CNTNAP2: variants seen among roughly 807,000 people sequenced by gnomAD.
The protein encoded by CNTNAP2 is contactin-associated protein-like 2.
CNTNAP2 carries 98 observed loss-of-function variants against 155.2 expected under a neutral mutation model. The observed-to-expected ratio is 0.63, with a 90% confidence interval of 0.54 to 0.75. CNTNAP2 has a LOEUF of 0.75. Ranked by LOEUF, CNTNAP2 falls within the 30% of genes least tolerant of loss-of-function variation. The pLI is 0.00. For synonymous variants in CNTNAP2, 651 were observed against 631.2 expected, an observed-to-expected ratio of 1.03 and a Z score of -0.47; for missense variants, 1,727 against 1,688.1, an observed-to-expected ratio of 1.02 and a Z score of -0.40.
At chr7:146,746,057 A>G (rs941902961) in intron 1 of CNTNAP2, among the ~76,000 whole-genome samples, 1 of 152,210 alleles carries the variant, frequency 6.6e-6, no homozygotes, top group East Asian at 1.9e-4. Context: ...ATGGGGTTCA[A>G]TAAAAGAGTG....
intron 1 of CNTNAP2, among the ~76,000 whole-genome samples, chr7:146,207,940 C>G (rs1798973096): frequency 6.6e-6 from 1 of 151,680 alleles, no homozygotes; most frequent in African/African-American, 2.4e-5. Flanking sequence ...AAATAAAGCC[C>G]AAAATTTTAG....
intron 3 of CNTNAP2, among the ~76,000 whole-genome samples, chr7:146,909,051 A>G (rs887194035): frequency 1.3e-5 from 2 of 152,034 alleles, no homozygotes; most frequent in East Asian, 1.9e-4. Flanking sequence ...TAGAAAATCT[A>G]GAAGAAATGG....
intron 3 of CNTNAP2, among the ~76,000 whole-genome samples, chr7:147,022,920 G>A (rs926458542): frequency 5.9e-5 from 9 of 151,906 alleles, no homozygotes. Flanking sequence ...ATTATATTTG[G>A]TGTTCATTGA....
At chr7:146,627,001 C>T (rs548884078) in intron 1 of CNTNAP2, among the ~76,000 whole-genome samples, 9 of 152,186 alleles carry the variant, frequency 5.9e-5, no homozygotes, top group African/African-American at 1.9e-4. Flanking sequence ...TAAAGACATA[C>T]CCAAGACTGG....
At chr7:146,455,987 G>A (rs1280974665) in intron 1 of CNTNAP2, among the ~76,000 whole-genome samples, 1 of 152,078 alleles carries the variant, frequency 6.6e-6, no homozygotes, top group Non-Finnish European at 1.5e-5. Flanking sequence ...TATAAACCAT[G>A]AATTGATATG....
At position 148,132,551 on chromosome 7, in the gene CNTNAP2, A is replaced by T. The variant is rs1335407915; in HGVS notation, c.2554+14263A>T. Among the ~76,000 whole-genome samples, 8 of 152,284 alleles carry T rather than the reference A, an allele frequency of 5.3e-5. No individual in the cohort carries two copies. The East Asian group carries it at 1.5e-3, about 29-fold the overall frequency. ...CCGTAAAGAGCTCTGCTGTTGCTGT[A>T]GTTGAGTGTTGATTCAAGGTACACA... On this transcript the variant is annotated intron_variant, in intron 16 of 23. Coordinates refer to ENST00000361727, the MANE Select transcript of CNTNAP2 (RefSeq NM_014141.6).
At chr7:146,553,478 T>A (rs1798150827) in intron 1 of CNTNAP2, among the ~76,000 whole-genome samples, 1 of 151,986 alleles carries the variant, frequency 6.6e-6, no homozygotes. Context: ...ATAAAATAGA[T>A]AAGTGTTTTT....
intron 3 of CNTNAP2, among the ~76,000 whole-genome samples, chr7:146,903,312 T>C (rs12703850): frequency 0.029 from 4,463 of 152,268 alleles, 86 homozygotes; most frequent in Non-Finnish European, 0.041. Context: ...ACCATTACTA[T>C]GCTGAAAACT....
chr7:148,411,825 G>A lies in CNTNAP2; in HGVS notation c.3796+2354G>A, dbSNP rs181971726. Reference sequence around the variant, plus strand: ...TACTTTTCCTCAATTGAATTTTCTTGGCACTTTTGTTAAAGCAACTGACAT... The same window carrying A: ...TACTTTTCCTCAATTGAATTTTCTTAGCACTTTTGTTAAAGCAACTGACAT... On this transcript the variant is annotated intron_variant, in intron 23 of 23. Transcript: ENST00000361727. Among the ~76,000 whole-genome samples the A allele has an allele frequency of 1.5e-3, 216 of 147,252 alleles. 4 individuals are homozygous for A. The highest frequency in any genetic ancestry group is 0.013 in the Admixed American group (195 of 14,824).
chr7:147,228,086 A>G (rs889993093), intron 8 of CNTNAP2, among the ~76,000 whole-genome samples: 14 of 152,204 alleles, frequency 9.2e-5, no homozygotes, highest in African/African-American at 3.4e-4. Context: ...AGTAGGTCAA[A>G]TGCTGCTGAA....
intron 1 of CNTNAP2, among the ~76,000 whole-genome samples, chr7:146,261,243 G>T (rs1799915232): frequency 6.6e-6 from 1 of 151,858 alleles, no homozygotes; most frequent in Non-Finnish European, 1.5e-5. Context: ...TTATAGCAGT[G>T]TGAGAATGGA....
chr7:146,921,511 A>G (rs1268009320), intron 3 of CNTNAP2, among the ~76,000 whole-genome samples: 1 of 152,030 alleles, frequency 6.6e-6, no homozygotes, highest in Non-Finnish European at 1.5e-5. Flanking sequence ...GGTTTAATCG[A>G]CTCACAGTTC....
chr7:147,826,610 A>G (rs572311490), intron 13 of CNTNAP2, among the ~76,000 whole-genome samples: 89 of 152,300 alleles, frequency 5.8e-4, no homozygotes, highest in African/African-American at 2.1e-3. Context: ...TGGCATTTAT[A>G]CCCCAGGTTT....
intron 10 of CNTNAP2, among the ~76,000 whole-genome samples, chr7:147,445,363 G>T (rs1584952264): frequency 6.6e-6 from 1 of 152,182 alleles, no homozygotes; most frequent in South Asian, 2.1e-4. Flanking sequence ...GGTTCATAAA[G>T]AGCCTTTACA....
At chr7:147,476,879 G>A (rs574545217) in intron 10 of CNTNAP2, among the ~76,000 whole-genome samples, 1 of 148,896 alleles carries the variant, frequency 6.7e-6, no homozygotes, top group Non-Finnish European at 1.5e-5. Flanking sequence ...GGTGAGCTGA[G>A]ATCATCCCAC....
chr7:148,311,080 A>G (rs1398256552), intron 21 of CNTNAP2, among the ~76,000 whole-genome samples: 1 of 152,124 alleles, frequency 6.6e-6, no homozygotes, highest in African/African-American at 2.4e-5. Flanking sequence ...TTGTGTTGTG[A>G]GAGGTCTAAA....
intron 21 of CNTNAP2, among the ~76,000 whole-genome samples, chr7:148,340,620 T>A (rs1412641673): frequency 6.6e-6 from 1 of 152,242 alleles, no homozygotes; most frequent in Non-Finnish European, 1.5e-5. Context: ...TACCTAATCA[T>A]CACCATTAGC....
intron 8 of CNTNAP2, among the ~76,000 whole-genome samples, chr7:147,242,048 T>C (rs1212282775): frequency 1.3e-5 from 2 of 152,214 alleles, no homozygotes; most frequent in African/African-American, 4.8e-5. Flanking sequence ...TCCTCTTGGA[T>C]TTGAATTTCC....
At chr7:146,202,890 A>AT (rs1264830115) in intron 1 of CNTNAP2, among the ~76,000 whole-genome samples, 2 of 152,108 alleles carry the variant, frequency 1.3e-5, no homozygotes, top group East Asian at 3.8e-4. Flanking sequence ...ATCTTTTCCT[A>AT]TTTTTTTGTA....
Sources: allele counts gnomAD v4.1 joint callset (sites outside exome capture counted in the v4.1 genomes callset), GRCh38; gene constraint gnomAD v4.1.1; transcripts MANE v1.5; gene names NCBI Gene and HGNC (gene_info 2026-07-23, HGNC 2026-07-21).